The following TOGARAM1 variants were observed in gnomAD, a reference collection of about 807,000 sequenced individuals.
TOGARAM1 encodes the protein TOG array regulator of axonemal microtubules protein 1.
In TOGARAM1, 100 loss-of-function variants were observed where a neutral mutation model predicts 166.6. That is an observed-to-expected ratio of 0.60 (90% confidence interval 0.51 to 0.71). TOGARAM1 has a LOEUF of 0.71. Ranked by LOEUF, TOGARAM1 falls within the 30% of genes least tolerant of loss-of-function variation. The pLI, the probability that TOGARAM1 is intolerant of heterozygous loss-of-function variation, is 0.00. For synonymous variants in TOGARAM1, 758 were observed against 763.8 expected (o/e 0.99, Z 0.13); for missense variants, 2,029 against 2,102.7 (o/e 0.96, Z 0.69).
intron 7 of TOGARAM1, among the ~76,000 whole-genome samples, chr14:45,021,500 G>T (rs1880505066): frequency 1.3e-5 from 2 of 152,190 alleles, no homozygotes; most frequent in South Asian, 2.1e-4. Context: ...GGAGGGCCAT[G>T]GGGATTTACG....
chr14:44,969,439 A>G (rs557202896), intron 1 of TOGARAM1, among the ~76,000 whole-genome samples: 1 of 152,258 alleles, frequency 6.6e-6, no homozygotes, highest in East Asian at 1.9e-4. Context: ...GGTGCAAGCT[A>G]CCACGCCTGG....
intron 2 of TOGARAM1, 179 bp downstream of exon 2, chr14:44,996,081 G>T (rs568028240): frequency 4.7e-6 from 2 of 424,974 alleles, no homozygotes; most frequent in East Asian, 3.8e-5. Flanking sequence ...ACCCTGGAGG[G>T]TTTCTCACTG....
chr14:45,018,274 C>T (rs1880276753), intron 7 of TOGARAM1, among the ~76,000 whole-genome samples: 1 of 151,636 alleles, frequency 6.6e-6, no homozygotes, highest in Admixed American at 6.6e-5. Context: ...ACAGTCTCGT[C>T]TGTTGCTCAG....
chr14:45,073,788 A>G lies in TOGARAM1; in HGVS notation c.*227A>G, dbSNP rs1484939217. The G allele has an allele frequency of 2.5e-6, 1 of 399,228 alleles. No homozygotes were observed. The highest frequency in any genetic ancestry group is 4.1e-5 in the Admixed American group (1 of 24,112). The allele number at this position is 399,228 out of a possible 1,614,324, so 24.7% of individuals were successfully genotyped here. A position where few individuals can be genotyped will look rare whatever the true frequency, so the allele number is the denominator to read the frequency against. On this transcript the variant is annotated 3_prime_UTR_variant, in exon 20 of 20. Transcript: ENST00000361462. ...ATGAATAATTCATGAAATCTGAGTC[A>G]CATGGGATGAATTCAATTTTAATAT...
At chr14:45,002,256 C>T (rs1020308825) in intron 3 of TOGARAM1, among the ~76,000 whole-genome samples, 1 of 152,080 alleles carries the variant, frequency 6.6e-6, no homozygotes, top group African/African-American at 2.4e-5. Flanking sequence ...ATCTTTGGGA[C>T]TCATAATTGG....
At chr14:44,986,758 GC>G (rs1470268797) in intron 1 of TOGARAM1, among the ~76,000 whole-genome samples, 5 of 151,442 alleles carry the variant, frequency 3.3e-5, no homozygotes, top group Non-Finnish European at 7.4e-5. Context: ...TGTAATCCCA[GC>G]ACTTTGGGAG....
intron 1 of TOGARAM1, among the ~76,000 whole-genome samples, chr14:44,968,490 T>A (rs1020108721): frequency 6.6e-6 from 1 of 152,172 alleles, no homozygotes; most frequent in Non-Finnish European, 1.5e-5. Context: ...CCTCGTGATC[T>A]GCCCGCCTCG....
rs1484664297 is a variant in TOGARAM1 at position 45,068,341 on chromosome 14, A to T, written c.4750-83A>T. The T allele has an allele frequency of 4.0e-6, 4 of 994,856 alleles. No homozygotes were observed. In the African/African-American group the frequency reaches 6.6e-5, roughly 16 times the overall value. 61.6% of individuals were successfully genotyped at this position (994,856 alleles called of 1,614,324 possible). Reference sequence around the variant, plus strand: ...ATTTAAACTGAGTAAAGTAGGAGAAATATTATGACATGCCAAGATACTTAT... The same window carrying T: ...ATTTAAACTGAGTAAAGTAGGAGAATTATTATGACATGCCAAGATACTTAT... On this transcript the variant is annotated intron_variant, in intron 17 of 19. Transcript: ENST00000361462.
rs538294243 is a variant in TOGARAM1 at position 45,054,309 on chromosome 14, G to T, written c.4441-122G>T. On this transcript the variant is annotated intron_variant, in intron 15 of 19. Transcript: ENST00000361462. ...ATCTCATACTCTTTAAAGCATATCA[G>T]ATTATTAAAATACTTTCCATCTTAA... 1.8e-3 allele frequency: 1,133 copies of T among 618,476 alleles called. 1 individual carries two copies. The highest frequency in any genetic ancestry group is 2.8e-3 in the Non-Finnish European group (1,021 of 360,150). 38.3% of individuals were successfully genotyped at this position (618,476 alleles called of 1,614,324 possible).
chr14:45,054,834 A>G (rs1242492609), intron 16 of TOGARAM1, among the ~76,000 whole-genome samples: 7 of 152,192 alleles, frequency 4.6e-5, no homozygotes, highest in African/African-American at 1.4e-4. Context: ...TTAAAAATTT[A>G]TAGCCTTTAT....
chr14:44,981,872 C>T (rs1221213580), intron 1 of TOGARAM1, among the ~76,000 whole-genome samples: 2 of 125,206 alleles, frequency 1.6e-5, no homozygotes, highest in Non-Finnish European at 3.2e-5. Context: ...GAGATGGAGT[C>T]TCCCTCTGTT....
chr14:44,995,822 T>G lies in TOGARAM1; in HGVS notation c.2123T>G (p.Phe708Cys), dbSNP rs1415345109. ...QGMPVNDDLC[F>C]SRKRVSRNLF... ...ATGCCAGTCAATGATGATTTATGTTTTAGCAGAAAAAGAGTATCAAGAAAC... is the reference window on the plus strand; with the variant it reads ...ATGCCAGTCAATGATGATTTATGTTGTAGCAGAAAAAGAGTATCAAGAAAC... The change falls in exon 2 of 20, where the codon TTT becomes TGT. Residue 708 changes from phenylalanine (F) to cysteine (C), a missense_variant. By Grantham distance (205) the Phe-to-Cys change is radical (BLOSUM62 -2). This residue lies in a region of TOGARAM1 where 1,453 missense variants were observed against 1,432.2 expected (regional missense o/e 1.01). Transcript: ENST00000361462. 2 of 1,609,144 alleles carry G rather than the reference T, an allele frequency of 1.2e-6. No individual in the cohort carries two copies. The highest frequency in any genetic ancestry group is 1.3e-5 in the African/African-American group (1 of 74,742).
At chr14:45,030,604 A>G (rs1359051307) in intron 10 of TOGARAM1, among the ~76,000 whole-genome samples, 2 of 152,330 alleles carry the variant, frequency 1.3e-5, no homozygotes, top group African/African-American at 4.8e-5. Flanking sequence ...CATCTGAACC[A>G]TCAAAAAAAA....
Position 44,986,937 on chromosome 14 carries a change from C to CA in TOGARAM1, c.2047-8809_2047-8808insA, listed in dbSNP as rs1555343514. On this transcript the variant is annotated intron_variant, in intron 1 of 19. Coordinates refer to ENST00000361462, the MANE Select transcript of TOGARAM1 (RefSeq NM_001308120.2). ...AGAAGAATGGTGTGAACCCAGGAGG[C>CA]GAGCTTGCAGTGAACCGAGATTGCG... Among the ~76,000 whole-genome samples, 8 of 147,234 alleles carry CA rather than the reference C, an allele frequency of 5.4e-5. 2 individuals carry two copies. In the South Asian group the frequency reaches 1.7e-3, roughly 32 times the overall value.
chr14:45,047,726 C>A (rs1882145389), intron 14 of TOGARAM1, among the ~76,000 whole-genome samples: 1 of 152,018 alleles, frequency 6.6e-6, no homozygotes, highest in African/African-American at 2.4e-5. Context: ...GACTAGGTGA[C>A]CAGTAATGTC....
chr14:45,000,449 G>A (rs1427632264), intron 3 of TOGARAM1, among the ~76,000 whole-genome samples: 2 of 152,022 alleles, frequency 1.3e-5, no homozygotes, highest in Non-Finnish European at 2.9e-5. Context: ...GTGAGAACAT[G>A]CAATATTTGT....
chr14:45,040,037 A>G (rs918705518), intron 11 of TOGARAM1, among the ~76,000 whole-genome samples: 1 of 152,222 alleles, frequency 6.6e-6, no homozygotes, highest in Non-Finnish European at 1.5e-5. Context: ...TCAAGTCCAC[A>G]AGATATATTT....
intron 19 of TOGARAM1, 85 bp downstream of exon 19, chr14:45,071,883 ACC>A: frequency 9.9e-7 from 1 of 1,014,276 alleles, no homozygotes; most frequent in Admixed American, 2.5e-5. Flanking sequence ...TAGGATAGCT[ACC>A]AACTTAATAT....
chr14:45,045,718 CATATATACACAT>C (rs1225363234), intron 13 of TOGARAM1, among the ~76,000 whole-genome samples: 1 of 121,890 alleles, frequency 8.2e-6, no homozygotes, highest in African/African-American at 3.4e-5. Flanking sequence ...TATATATACA[CATATATACACAT>C]ATATATACAC....
Sources: allele counts gnomAD v4.1 joint callset (sites outside exome capture counted in the v4.1 genomes callset), GRCh38; gene constraint gnomAD v4.1.1; regional missense constraint gnomAD v4.1.1; transcripts MANE v1.5; gene names NCBI Gene and HGNC (gene_info 2026-07-23, HGNC 2026-07-21).